NEK1: variants seen among roughly 807,000 people sequenced by gnomAD.
NEK1 encodes the protein serine/threonine-protein kinase Nek1.
A neutral mutation model predicts 182.1 loss-of-function variants in NEK1; 137 were observed. The observed-to-expected ratio is 0.75, with a 90% CI of 0.65 to 0.87. NEK1 has a LOEUF of 0.87. Among genes scored for constraint, NEK1 ranks in the 40% least tolerant of loss-of-function variants. The pLI, the probability that NEK1 is intolerant of heterozygous loss-of-function variation, is 0.00. For missense variants in NEK1, 1,391 were observed against 1,494.4 expected (o/e 0.93, Z 1.14); for synonymous variants, 513 against 492.2 (o/e 1.04, Z -0.56).
intron 16 of NEK1, among the ~76,000 whole-genome samples, chr4:169,557,388 T>A (rs1382757480): frequency 6.6e-6 from 1 of 151,736 alleles, no homozygotes; most frequent in Non-Finnish European, 1.5e-5. Flanking sequence ...ATAAAAACTG[T>A]ATAATGCTAC....
Position 169,406,641 on chromosome 4 carries a change from A to C in NEK1, c.3329T>G (p.Ile1110Ser), listed in dbSNP as rs369614506. The C allele has an allele frequency of 9.3e-6, 15 of 1,607,520 alleles. No homozygotes were observed. The East Asian group carries it at 3.4e-4, about 36-fold the overall frequency. ...TCCTTCTTTAATGTTTTCATCTTCA[A>C]TTTCATCTATTTCAAGATTGTCTTG... Reference protein sequence around the residue: ...VRQDNLEIDEIEDENIKEGPS... With the variant: ...VRQDNLEIDESEDENIKEGPS... Residue 1110 changes from isoleucine to serine, a missense_variant, in exon 32 of 36, where the codon ATT becomes AGT. Around this residue, in one of 5 missense-constraint regions of NEK1, gnomAD observed 1,216 missense variants for 1,277.6 expected, o/e 0.95. Coordinates refer to ENST00000507142, the MANE Select transcript of NEK1 (RefSeq NM_001199397.3).
chr4:169,514,198 G>T (rs548872563), intron 19 of NEK1, among the ~76,000 whole-genome samples: 1 of 152,154 alleles, frequency 6.6e-6, no homozygotes, highest in Non-Finnish European at 1.5e-5. Context: ...ATGTTAGCCA[G>T]GATGGTCTTG....
At chr4:169,419,851 T>C (rs556165379) in intron 31 of NEK1, among the ~76,000 whole-genome samples, 1 of 152,276 alleles carries the variant, frequency 6.6e-6, no homozygotes, top group South Asian at 2.1e-4. Context: ...TATTTGTCTA[T>C]CTAAACACTA....
intron 18 of NEK1, among the ~76,000 whole-genome samples, chr4:169,547,117 G>C (rs1326472221): frequency 1.3e-5 from 2 of 152,170 alleles, no homozygotes; most frequent in East Asian, 3.9e-4. Context: ...GGTACCAGTT[G>C]TTCCTTTCCA....
At chr4:169,482,193 G>A (rs1748163045) in intron 23 of NEK1, among the ~76,000 whole-genome samples, 1 of 152,136 alleles carries the variant, frequency 6.6e-6, no homozygotes, top group Non-Finnish European at 1.5e-5. Flanking sequence ...CTCTGGATTA[G>A]GCTTTGGCCA....
chr4:169,545,379 C>G (rs1760240490), intron 18 of NEK1, among the ~76,000 whole-genome samples: 1 of 151,772 alleles, frequency 6.6e-6, no homozygotes, highest in Non-Finnish European at 1.5e-5. Flanking sequence ...AGGATATGAA[C>G]TCATCATTTT....
At chr4:169,577,187 T>C (rs1580904106) in intron 11 of NEK1, 108 bp from the exon 12 acceptor site, 1 of 1,052,298 alleles carries the variant, frequency 9.5e-7, no homozygotes, top group Non-Finnish European at 1.4e-6. Flanking sequence ...ATTGATAGTA[T>C]TTTAAACTTT....
At chr4:169,426,680 G>A (rs1736448583) in intron 29 of NEK1, among the ~76,000 whole-genome samples, 1 of 152,152 alleles carries the variant, frequency 6.6e-6, no homozygotes, top group Non-Finnish European at 1.5e-5. Flanking sequence ...CTTAAGAGTG[G>A]AGAATATAAA....
chr4:169,560,251 C>A (rs1762714683), intron 16 of NEK1, among the ~76,000 whole-genome samples: 1 of 152,216 alleles, frequency 6.6e-6, no homozygotes, highest in Non-Finnish European at 1.5e-5. Context: ...GACTCAGGAT[C>A]TCTTCCAAGT....
rs1579573766 is a variant in NEK1 at position 169,433,582 on chromosome 4, C to A, written c.2848G>T (p.Val950Leu). The A allele has an allele frequency of 6.2e-7, 1 of 1,613,084 alleles. No individual in the cohort carries two copies. The highest frequency in any genetic ancestry group is 1.3e-5 in the African/African-American group (1 of 74,886). Residue 950 changes from valine to leucine, a missense_variant, in exon 29 of 36, where the codon GTG (valine) becomes TTG (leucine). Around this residue, in one of 5 missense-constraint regions of NEK1, gnomAD observed 1,216 missense variants for 1,277.6 expected, o/e 0.95. Transcript: ENST00000507142. The stretch of plus-strand genomic sequence containing the variant: ...GTTTCTTTTTCCTCACTAATCCACA[C>A]ATCAGTAATAGTGCATGGCAAGCTC... ...DESLPCTITDVWISEEKETKE... is the reference protein window; with the variant it reads ...DESLPCTITDLWISEEKETKE...
intron 19 of NEK1, among the ~76,000 whole-genome samples, chr4:169,534,167 A>C (rs1402778434): frequency 6.6e-6 from 1 of 151,982 alleles, no homozygotes; most frequent in Non-Finnish European, 1.5e-5. Context: ...TTGCATCCAT[A>C]ATGAAGTAAC....
intron 2 of NEK1, among the ~76,000 whole-genome samples, chr4:169,611,577 CAA>C (rs1330734179): frequency 6.6e-6 from 1 of 151,934 alleles, no homozygotes; most frequent in African/African-American, 2.4e-5. Flanking sequence ...AATAGGCCTG[CAA>C]AAAAAGTTAT....
chr4:169,536,215 T>C (rs1371294243), intron 19 of NEK1, among the ~76,000 whole-genome samples: 1 of 150,620 alleles, frequency 6.6e-6, no homozygotes, highest in Non-Finnish European at 1.5e-5. Context: ...GAGAATCACT[T>C]GAGCCAGGGA....
chr4:169,535,548 A>G (rs895664729), intron 19 of NEK1, among the ~76,000 whole-genome samples: 2 of 152,040 alleles, frequency 1.3e-5, no homozygotes, highest in African/African-American at 2.4e-5. Flanking sequence ...CCAGAGACCT[A>G]GAAGAGGGAG....
At chr4:169,482,859 A>C (rs1748328120) in intron 23 of NEK1, among the ~76,000 whole-genome samples, 1 of 151,716 alleles carries the variant, frequency 6.6e-6, no homozygotes, top group African/African-American at 2.4e-5. Flanking sequence ...CTGGTCTCAA[A>C]CTCCTGATCT....
intron 19 of NEK1, among the ~76,000 whole-genome samples, chr4:169,536,930 G>T (rs572263285): frequency 1.3e-5 from 2 of 152,190 alleles, no homozygotes; most frequent in South Asian, 4.2e-4. Flanking sequence ...AATATAAAGG[G>T]TAACTGTTCA....
intron 26 of NEK1, among the ~76,000 whole-genome samples, chr4:169,466,486 C>T (rs1418129261): frequency 4.0e-5 from 6 of 151,830 alleles, no homozygotes; most frequent in African/African-American, 1.2e-4. Context: ...AAGTAATGTG[C>T]ATAAGATGAC....
chr4:169,430,708 A>G (rs1737263615), intron 29 of NEK1, among the ~76,000 whole-genome samples: 1 of 152,202 alleles, frequency 6.6e-6, no homozygotes. Context: ...AACTTGTAGA[A>G]TGTACCAAAT....
intron 32 of NEK1, among the ~76,000 whole-genome samples, chr4:169,404,179 G>T (rs1489181996): frequency 6.6e-6 from 1 of 152,042 alleles, no homozygotes; most frequent in East Asian, 1.9e-4. Context: ...TTAGTTAGCA[G>T]TTTGTCAACA....
Sources: gnomAD v4.1 joint callset for allele counts (sites outside exome capture counted in the v4.1 genomes callset) on GRCh38, gnomAD v4.1.1 for gene constraint, gnomAD v4.1.1 regional missense constraint, MANE v1.5 for transcripts, NCBI Gene and HGNC (gene_info 2026-07-23, HGNC 2026-07-21) for gene names.